The following TRAT1 variants were observed in gnomAD, a reference collection of about 807,000 sequenced individuals.
TRAT1 encodes T cell receptor associated transmembrane adaptor 1.
Under a neutral mutation model 20.0 loss-of-function variants are expected in TRAT1, and 20 were observed. That is an observed-to-expected ratio of 1.00 (90% CI 0.70 to 1.45). The LOEUF is 1.45. TRAT1 is among the 40% of genes most tolerant of loss of function. The pLI is 0.00. For missense variants in TRAT1, 237 were observed against 224.1 expected (o/e 1.06, Z -0.37); for synonymous variants, 77 against 74.2 (o/e 1.04, Z -0.20).
At chr3:108,838,359 T>C (rs1945858803) in intron 2 of TRAT1, among the ~76,000 whole-genome samples, 1 of 49,580 alleles carries the variant, frequency 2.0e-5, no homozygotes, top group Non-Finnish European at 3.8e-5. Context: ...AGATAGATGA[T>C]AGATAGATAG....
intron 1 of TRAT1, among the ~76,000 whole-genome samples, chr3:108,829,163 G>A (rs557273389): frequency 7.2e-5 from 11 of 152,282 alleles, no homozygotes; most frequent in African/African-American, 2.6e-4. Context: ...TTTAACCAAT[G>A]CGACTCCCTG....
rs578178115 is a variant in TRAT1, at chr3:108,837,330, C to T, written c.119-1604C>T. On this transcript the variant is annotated intron_variant, in intron 2 of 5. Coordinates refer to ENST00000295756, the MANE Select transcript of TRAT1 (RefSeq NM_016388.4). The stretch of plus-strand genomic sequence containing the variant: ...GTCCCATAGCAGCTTAGTGCATATG[C>T]TCCGCAAAATCTTCCCTCATTTAGT... 2.0e-5 allele frequency among the ~76,000 whole-genome samples: 3 copies of T among 152,310 alleles called. No homozygotes were observed. In the East Asian group the frequency reaches 5.8e-4, roughly 29 times the overall value.
At chr3:108,836,073 C>A (rs1945838543) in intron 2 of TRAT1, among the ~76,000 whole-genome samples, 1 of 151,886 alleles carries the variant, frequency 6.6e-6, no homozygotes, top group Admixed American at 6.5e-5. Flanking sequence ...GCGCATGCCA[C>A]CATGCCCAGC....
At position 108,830,770 on chromosome 3, in the gene TRAT1, G is replaced by A; in HGVS notation, c.108G>A (p.Lys36=). 1.9e-6 allele frequency: 3 copies of A among 1,608,434 alleles called. No homozygotes were observed. Among genetic ancestry groups the A allele is most frequent in the Non-Finnish European group, 2.6e-6 (3 of 1,174,856 alleles). ...LIFNISHYVE[K]QRQDKMYSYS... The stretch of plus-strand genomic sequence containing the variant: ...TCAATATTTCCCACTATGTGGAAAA[G>A]CAACGACAAGGTAAGACATTTTGAC... Residue 36 remains lysine (K), a synonymous_variant, in exon 2 of 6, where the codon AAG becomes AAA. Coordinates refer to ENST00000295756, the MANE Select transcript of TRAT1 (RefSeq NM_016388.4).
chr3:108,847,381 A>G, intron 4 of TRAT1: 1 of 349,348 alleles, frequency 2.9e-6, no homozygotes, highest in Non-Finnish European at 5.2e-6. Context: ...AGTAATGAGA[A>G]TACAGGAAGA....
intron 2 of TRAT1, among the ~76,000 whole-genome samples, chr3:108,833,912 T>C (rs1945817231): frequency 6.6e-6 from 1 of 152,058 alleles, no homozygotes; most frequent in African/African-American, 2.4e-5. Flanking sequence ...GCCGTGTTGT[T>C]TCCTTCCTTC....
rs986682818 is a variant in TRAT1 at position 108,844,856 on chromosome 3, A to G, written c.153-2212A>G. 5.1e-4 allele frequency among the ~76,000 whole-genome samples: 77 copies of G among 150,120 alleles called. 1 individual carries two copies. The highest frequency in any genetic ancestry group is 9.6e-4 in the Non-Finnish European group (65 of 67,510). ...GAGACTCTGTCTCAAAAAAAAAAAA[A>G]AAAAAAAAAAAAAGAAATACGTGTA... On this transcript the variant is annotated intron_variant, in intron 3 of 5. Transcript: ENST00000295756.
intron 2 of TRAT1, among the ~76,000 whole-genome samples, chr3:108,832,029 G>T (rs1945798995): frequency 6.6e-6 from 1 of 152,154 alleles, no homozygotes; most frequent in South Asian, 2.1e-4. Flanking sequence ...TGGTCAGATT[G>T]CAGCAAATGT....
chr3:108,844,709 TG>T (rs1945924440), intron 3 of TRAT1, among the ~76,000 whole-genome samples: 1 of 150,774 alleles, frequency 6.6e-6, no homozygotes, highest in Non-Finnish European at 1.5e-5. Flanking sequence ...CTGGGTGTGG[TG>T]GCGGGCGCCT....
At chr3:108,825,512 T>C (rs904592856) in intron 1 of TRAT1, among the ~76,000 whole-genome samples, 1 of 152,194 alleles carries the variant, frequency 6.6e-6, no homozygotes, top group Non-Finnish European at 1.5e-5. Context: ...TCCTTTCTTT[T>C]AGAGACTAGG....
chr3:108,831,009 T>G (rs566717339), intron 2 of TRAT1, among the ~76,000 whole-genome samples: 1 of 152,220 alleles, frequency 6.6e-6, no homozygotes, highest in Non-Finnish European at 1.5e-5. Context: ...TTCTTTAGGG[T>G]GTAGAGTGGG....
At chr3:108,850,882 G>A (rs1945992395) in intron 5 of TRAT1, among the ~76,000 whole-genome samples, 1 of 152,146 alleles carries the variant, frequency 6.6e-6, no homozygotes, top group Non-Finnish European at 1.5e-5. Flanking sequence ...CACATGACTT[G>A]TACAGGGTAG....
At chr3:108,830,648 G>T in intron 1 of TRAT1, 22 bp from the exon 2 acceptor site, 1 of 1,477,636 alleles carries the variant, frequency 6.8e-7, no homozygotes. Flanking sequence ...TATATTATGT[G>T]TATGTTTATT....
chr3:108,837,594 A>C (rs2107510569), intron 2 of TRAT1, among the ~76,000 whole-genome samples: 1 of 152,358 alleles, frequency 6.6e-6, no homozygotes. Context: ...GTGTTTTCAC[A>C]TGTTCAAGTT....
At chr3:108,835,321 A>T (rs1945829172) in intron 2 of TRAT1, among the ~76,000 whole-genome samples, 2 of 152,240 alleles carry the variant, frequency 1.3e-5, no homozygotes, top group South Asian at 4.1e-4. Context: ...AGTTCTTCCC[A>T]CGCACAGTCT....
intron 2 of TRAT1, among the ~76,000 whole-genome samples, chr3:108,837,601 A>G (rs1477769582): frequency 6.6e-6 from 1 of 152,226 alleles, no homozygotes; most frequent in Non-Finnish European, 1.5e-5. Flanking sequence ...CACATGTTCA[A>G]GTTGAAAGAT....
At position 108,853,889 on chromosome 3, in the gene TRAT1, T is replaced by C. The variant is rs776142898; in HGVS notation, c.*12T>C. On this transcript the variant is annotated 3_prime_UTR_variant, in exon 6 of 6. Transcript: ENST00000295756. ...AACCTATAAACTAGCTGGACCATGA[T>C]CTAGTTCAATGATTTGGCTCCTATT... 9.3e-6 allele frequency: 15 copies of C among 1,611,572 alleles called. No individual in the cohort carries two copies. The highest frequency in any genetic ancestry group is 1.3e-5 in the Non-Finnish European group (15 of 1,178,172).
At chr3:108,834,589 CA>C (rs1945822594) in intron 2 of TRAT1, among the ~76,000 whole-genome samples, 1 of 152,220 alleles carries the variant, frequency 6.6e-6, no homozygotes, top group Non-Finnish European at 1.5e-5. Context: ...TCTATTGTAT[CA>C]ACTGGCTTTT....
intron 2 of TRAT1, among the ~76,000 whole-genome samples, chr3:108,835,843 T>G (rs1945834173): frequency 6.6e-6 from 1 of 152,184 alleles, no homozygotes; most frequent in African/African-American, 2.4e-5. Flanking sequence ...TTTATTCCCC[T>G]ATTGATAATA....
Sources: allele counts gnomAD v4.1 joint callset (sites outside exome capture counted in the v4.1 genomes callset), GRCh38; gene constraint gnomAD v4.1.1; transcripts MANE v1.5; gene names NCBI Gene and HGNC (gene_info 2026-07-23, HGNC 2026-07-21).